TENM1: variants seen among roughly 807,000 people sequenced by gnomAD.
TENM1 encodes teneurin-1.
Under a neutral mutation model 174.8 loss-of-function variants are expected in TENM1, and 35 were observed. That is an observed-to-expected ratio of 0.20 (90% confidence interval 0.15 to 0.27). The LOEUF (loss-of-function observed/expected upper bound fraction) is 0.27, where lower values mean the gene tolerates loss of function less well. TENM1 is among the 10% of genes least tolerant of loss of function. TENM1 has a pLI of 1.00. For missense variants in TENM1, 1,633 were observed against 2,130.1 expected (o/e 0.77, Z 4.59); for synonymous variants, 781 against 798.7 (o/e 0.98, Z 0.37).
intron 3 of TENM1, among the ~76,000 whole-genome samples, chrX:124,789,102 A>C (rs2055115097): frequency 8.9e-6 from 1 of 112,155 alleles, no homozygotes; most frequent in African/African-American, 3.2e-5. Context: ...TGCAGGGTCA[A>C]TACCATGTGT....
intron 11 of TENM1, among the ~76,000 whole-genome samples, chrX:124,614,516 G>C (rs977819867): frequency 8.9e-6 from 1 of 112,113 alleles, no homozygotes. Flanking sequence ...CCATGGGATG[G>C]GAGATAGGAG....
intron 23 of TENM1, among the ~76,000 whole-genome samples, chrX:124,448,335 G>T (rs1373244832): frequency 9.0e-6 from 1 of 111,294 alleles, no homozygotes; most frequent in Non-Finnish European, 1.9e-5. Context: ...CCCTTGGAAA[G>T]GGGCTGATCA....
intron 11 of TENM1, among the ~76,000 whole-genome samples, chrX:124,636,073 C>A (rs1006992361): frequency 8.9e-6 from 1 of 112,036 alleles, no homozygotes; most frequent in African/African-American, 3.2e-5. Flanking sequence ...TATAGTCCCC[C>A]TGGTATCAGA....
the TENM1 span, among the ~76,000 whole-genome samples, chrX:125,191,550 T>G: frequency 7.1e-5 from 8 of 112,112 alleles, no homozygotes; most frequent in Admixed American, 7.5e-4. Flanking sequence ...GAACATTTGA[T>G]CAAATATCTG....
chrX:124,550,761 A>AT (rs59121201), intron 14 of TENM1, among the ~76,000 whole-genome samples: 4,455 of 101,450 alleles, frequency 0.044, 231 homozygotes, highest in African/African-American at 0.14. Context: ...CTTTGGCTCT[A>AT]TTTTTTTTTT....
chrX:124,481,346 G>C (rs749926885), intron 22 of TENM1, among the ~76,000 whole-genome samples: 2 of 111,093 alleles, frequency 1.8e-5, no homozygotes, highest in South Asian at 7.6e-4. Flanking sequence ...CAAAGCAGGG[G>C]TCTGCAGGCT....
the TENM1 span, among the ~76,000 whole-genome samples, chrX:125,184,165 T>C: frequency 8.9e-6 from 1 of 111,971 alleles, no homozygotes; most frequent in African/African-American, 3.2e-5. Context: ...ATTATTTTTA[T>C]AAGTGTGCAT....
the TENM1 span, among the ~76,000 whole-genome samples, chrX:125,074,867 A>C: frequency 1.7e-4 from 19 of 111,767 alleles, no homozygotes; most frequent in African/African-American, 3.3e-4. Context: ...CTCATCATTA[A>C]AACTCCAGTT....
At chrX:124,872,249 T>C (rs1049286170) in intron 3 of TENM1, among the ~76,000 whole-genome samples, 4 of 111,193 alleles carry the variant, frequency 3.6e-5, no homozygotes, top group African/African-American at 1.3e-4. Flanking sequence ...CCTGGGATTA[T>C]AAAACATGTG....
intron 3 of TENM1, among the ~76,000 whole-genome samples, chrX:124,804,132 T>A (rs1212951070): frequency 8.9e-6 from 1 of 112,148 alleles, no homozygotes; most frequent in Non-Finnish European, 1.9e-5. Flanking sequence ...CTCTTCTCCC[T>A]GGCAAAGAAC....
At chrX:124,522,386 T>C in intron 17 of TENM1, among the ~76,000 whole-genome samples, 1 of 111,819 alleles carries the variant, frequency 8.9e-6, no homozygotes, top group East Asian at 2.8e-4. Flanking sequence ...CATTTAATTA[T>C]CATTAAAATG....
intron 3 of TENM1, among the ~76,000 whole-genome samples, chrX:124,807,689 G>A (rs775501103): frequency 1.6e-3 from 173 of 109,722 alleles, no homozygotes; most frequent in African/African-American, 5.7e-3. Context: ...TCAAAATGTG[G>A]GGGGAGTGCA....
the TENM1 span, among the ~76,000 whole-genome samples, chrX:125,053,612 C>T: frequency 8.9e-6 from 1 of 111,983 alleles, no homozygotes; most frequent in African/African-American, 3.2e-5. Flanking sequence ...CACCCTTTTC[C>T]ATTCAACCAG....
At chrX:124,568,447 C>G (rs1240594554) in intron 11 of TENM1, among the ~76,000 whole-genome samples, 1 of 111,476 alleles carries the variant, frequency 9.0e-6, no homozygotes, top group Non-Finnish European at 1.9e-5. Context: ...AATAAAAAAT[C>G]TGGAGCTAGG....
chrX:124,930,708 G>A (rs1337956362), intron 1 of TENM1, among the ~76,000 whole-genome samples: 2 of 110,828 alleles, frequency 1.8e-5, no homozygotes, highest in Non-Finnish European at 3.8e-5. Flanking sequence ...ATGTTATATT[G>A]AGAGTCAAAT....
intron 25 of TENM1, among the ~76,000 whole-genome samples, chrX:124,407,482 A>G (rs1239857594): frequency 1.8e-5 from 2 of 112,636 alleles, no homozygotes; most frequent in South Asian, 7.3e-4. Flanking sequence ...CAAAATGAGC[A>G]GGATTCAGCC....
At chrX:125,017,873 T>C in the TENM1 span, among the ~76,000 whole-genome samples, 2 of 109,965 alleles carry the variant, frequency 1.8e-5, no homozygotes, top group African/African-American at 3.3e-5. Flanking sequence ...CTATCAGGGG[T>C]TGGGGGCTAG....
intron 3 of TENM1, among the ~76,000 whole-genome samples, chrX:124,891,226 C>G: frequency 9.0e-6 from 1 of 111,065 alleles, no homozygotes; most frequent in Middle Eastern, 4.6e-3. Flanking sequence ...TGAATAAGAT[C>G]TAGCATTTGA....
chrX:124,612,459 T>C (rs1355767962), intron 11 of TENM1, among the ~76,000 whole-genome samples: 8 of 111,502 alleles, frequency 7.2e-5, no homozygotes, highest in African/African-American at 2.3e-4. Context: ...AACAGTGTTC[T>C]GTACTATAAA....
Sources: allele counts gnomAD v4.1 joint callset (sites outside exome capture counted in the v4.1 genomes callset), GRCh38; gene constraint gnomAD v4.1.1; transcripts MANE v1.5; gene names NCBI Gene and HGNC (gene_info 2026-07-23, HGNC 2026-07-21).